Variants in TTC28 observed in about 807,000 individuals in gnomAD.
TTC28 encodes the protein tetratricopeptide repeat protein 28.
TTC28 carries 61 observed loss-of-function variants against 198.0 expected under a neutral mutation model. That is an observed-to-expected ratio of 0.31 (90% CI 0.25 to 0.38). The LOEUF (loss-of-function observed/expected upper bound fraction) is 0.38. Ranked by LOEUF, TTC28 falls within the 10% of genes least tolerant of loss-of-function variation. TTC28 has a pLI of 1.00. For missense variants in TTC28, 2,678 were observed against 3,164.0 expected (o/e 0.85, Z 3.69); for synonymous variants, 1,171 against 1,297.8 (o/e 0.90, Z 2.10).
At chr22:28,036,657 G>A (rs192442625) in intron 12 of TTC28, among the ~76,000 whole-genome samples, 32 of 152,108 alleles carry the variant, frequency 2.1e-4, no homozygotes, top group Non-Finnish European at 4.4e-5. Context: ...AAGGCAAGAA[G>A]TAACTAAGAT....
chr22:28,679,165 C>T (rs1288176155), intron 1 of TTC28, among the ~76,000 whole-genome samples: 2 of 152,136 alleles, frequency 1.3e-5, no homozygotes, highest in Admixed American at 1.3e-4. Flanking sequence ...TGCTCGCCTC[C>T]GGGGACGAAG....
intron 5 of TTC28, among the ~76,000 whole-genome samples, chr22:28,190,783 A>ATT (rs1331465974): frequency 6.6e-6 from 1 of 151,948 alleles, no homozygotes; most frequent in Non-Finnish European, 1.5e-5. Context: ...ATCTAAACAC[A>ATT]TTTCACTCTT....
rs1937597835 is a variant in TTC28 at position 27,998,790 on chromosome 22, A to C, written c.4869T>G (p.Leu1623=). The change falls in exon 16 of 23, where the codon CTT becomes CTG. Residue 1623 remains leucine, a synonymous_variant. Transcript: ENST00000397906. ...TGCTGTTGGACTCCTGGGAGGAGCC[A>C]AGCACCACCAGCTTCACAGGCAGCT... The part of the protein sequence containing the change: ...DLQLPVKLVV[L]GSSQESNSKV... 6.4e-7 allele frequency: 1 copy of C among 1,550,686 alleles called. No homozygotes were observed. Among genetic ancestry groups the C allele is most frequent in the Non-Finnish European group, 8.7e-7 (1 of 1,146,998 alleles).
intron 14 of TTC28, chr22:28,002,279 C>G (rs960510393): frequency 3.3e-5 from 5 of 152,598 alleles, no homozygotes; most frequent in African/African-American, 1.2e-4. Context: ...GAAGCTGGGT[C>G]CACACAGACT....
chr22:28,407,668 G>A (rs1019775730), intron 2 of TTC28, among the ~76,000 whole-genome samples: 1 of 152,172 alleles, frequency 6.6e-6, no homozygotes, highest in African/African-American at 2.4e-5. Context: ...CATTACAGTT[G>A]TTACAAGTGA....
rs191143476 is a variant in TTC28 at position 28,275,701 on chromosome 22, T to A, written c.933+20497A>T. On this transcript the variant is annotated intron_variant, in intron 5 of 22. Transcript: ENST00000397906. The stretch of plus-strand genomic sequence containing the variant: ...ATAGAGTAAAGCAATCATTTTTTTT[T>A]AAACTCACAGTGGGAGGGAGGAAAG... Among the ~76,000 whole-genome samples the A allele has an allele frequency of 8.8e-3, 1,338 of 151,900 alleles. 16 individuals are homozygous for A. The highest frequency in any genetic ancestry group is 0.03 in the African/African-American group (1,260 of 41,414).
chr22:28,118,281 C>T (rs1942689691), intron 6 of TTC28, among the ~76,000 whole-genome samples: 1 of 151,976 alleles, frequency 6.6e-6, no homozygotes, highest in Admixed American at 6.6e-5. Context: ...CACCTGTAAT[C>T]CCAGCTACTC....
chr22:28,482,816 A>T (rs1183390597), intron 2 of TTC28, among the ~76,000 whole-genome samples: 1 of 152,196 alleles, frequency 6.6e-6, no homozygotes, highest in Non-Finnish European at 1.5e-5. Context: ...TATCAATGAA[A>T]TCATACAATA....
At chr22:28,334,076 C>T (rs1175166549) in intron 2 of TTC28, among the ~76,000 whole-genome samples, 1 of 147,734 alleles carries the variant, frequency 6.8e-6, no homozygotes, top group Non-Finnish European at 1.5e-5. Flanking sequence ...TGTTCAATTC[C>T]CACCTATGAG....
chr22:28,674,263 T>C (rs73881117), intron 1 of TTC28, among the ~76,000 whole-genome samples: 17,338 of 140,648 alleles, frequency 0.12, 1,357 homozygotes, highest in African/African-American at 0.18. Context: ...TTTTTCTTTG[T>C]GGTTTTTTTT....
intron 21 of TTC28, chr22:27,985,681 T>C (rs1385474051): frequency 3.1e-5 from 7 of 225,484 alleles, no homozygotes; most frequent in Non-Finnish European, 5.6e-5. Context: ...TTTTCCATTT[T>C]TTTTTCACAG....
Position 28,601,424 on chromosome 22 carries a change from G to T in TTC28, c.381+28128C>A, listed in dbSNP as rs117180364. Among the ~76,000 whole-genome samples the T allele has an allele frequency of 1.5e-4, 23 of 152,168 alleles. No homozygotes were observed. The East Asian group carries it at 4.4e-3, about 29-fold the overall frequency. ...CTAAAAACCTTTTTGAAAAAAAATT[G>T]CAGTTGTACTGAACATATAGACTTC... is the stretch of plus-strand genomic sequence containing the variant. On this transcript the variant is annotated intron_variant, in intron 2 of 22. Transcript: ENST00000397906.
In TTC28 at chr22:27,990,888, G is replaced by A. The variant is rs997087059; in HGVS notation, c.5554-76C>T. 4 of 1,419,554 alleles carry A rather than the reference G, an allele frequency of 2.8e-6. No homozygotes were observed. In the African/African-American group the frequency reaches 5.7e-5, roughly 20 times the overall value. The allele number at this position is 1,419,554 out of a possible 1,614,324, so 87.9% of individuals were successfully genotyped here. On this transcript the variant is annotated intron_variant, in intron 19 of 22. Transcript: ENST00000397906. ...TTTAGACTCAAGCACAGGCTGTTAT[G>A]CAACATGAGCTGATCACTGTTTAGG...
At chr22:28,142,584 T>G (rs937570592) in intron 6 of TTC28, among the ~76,000 whole-genome samples, 1 of 152,142 alleles carries the variant, frequency 6.6e-6, no homozygotes, top group African/African-American at 2.4e-5. Flanking sequence ...AGCAATTCAC[T>G]AACATTTTGG....
At chr22:28,180,049 T>C (rs1923553647) in intron 5 of TTC28, among the ~76,000 whole-genome samples, 1 of 152,168 alleles carries the variant, frequency 6.6e-6, no homozygotes, top group East Asian at 1.9e-4. Flanking sequence ...TATCTTTGCA[T>C]AATTAAAAGA....
rs534503006 is a variant in TTC28 at position 28,187,859 on chromosome 22, T to C, written c.934-24260A>G. ...GGAATGCTAAGTAACTGGCACATAC[T>C]GTGAATACCAGCTGCGTTCAAAGGC... is the stretch of plus-strand genomic sequence containing the variant. On this transcript the variant is annotated intron_variant, in intron 5 of 22. Coordinates refer to ENST00000397906, the MANE Select transcript of TTC28 (RefSeq NM_001145418.2). 3.3e-5 allele frequency among the ~76,000 whole-genome samples: 5 copies of C among 152,328 alleles called. No homozygotes were observed. In the South Asian group the frequency reaches 1.0e-3, roughly 32 times the overall value.
At chr22:28,608,203 AT>A in intron 2 of TTC28, among the ~76,000 whole-genome samples, 1 of 152,184 alleles carries the variant, frequency 6.6e-6, no homozygotes, top group Non-Finnish European at 1.5e-5. Context: ...CACCTATGTG[AT>A]CGACTTGAAA....
chr22:28,478,318 G>A (rs2048193471), intron 2 of TTC28, among the ~76,000 whole-genome samples: 1 of 152,120 alleles, frequency 6.6e-6, no homozygotes, highest in South Asian at 2.1e-4. Context: ...GACCAGCCTG[G>A]CCAACACGGC....
intron 13 of TTC28, among the ~76,000 whole-genome samples, chr22:28,019,231 G>A (rs1381478596): frequency 5.3e-5 from 8 of 152,124 alleles, no homozygotes; most frequent in Non-Finnish European, 8.8e-5. Flanking sequence ...TAAAGTTCTT[G>A]TAGGGCCTCT....
Sources: allele counts gnomAD v4.1 joint callset (sites outside exome capture counted in the v4.1 genomes callset), GRCh38; gene constraint gnomAD v4.1.1; transcripts MANE v1.5; gene names NCBI Gene and HGNC (gene_info 2026-07-23, HGNC 2026-07-21).